Variants in MCM6 observed in about 807,000 individuals in gnomAD.
MCM6 encodes the protein minichromosome maintenance complex component 6, also known as DNA replication licensing factor MCM6.
MCM6 carries 46 observed loss-of-function variants against 94.3 expected under a neutral mutation model. That is an observed-to-expected ratio of 0.49 (90% CI 0.39 to 0.62). The LOEUF is 0.62. Among genes scored for constraint, MCM6 ranks in the 20% least tolerant of loss-of-function variants. The pLI, the probability that MCM6 is intolerant of heterozygous loss-of-function variation, is 0.00. For missense variants in MCM6, 865 were observed against 1,017.9 expected, an observed-to-expected ratio of 0.85 and a Z score of 2.04; for synonymous variants, 335 against 351.9, an observed-to-expected ratio of 0.95 and a Z score of 0.54.
At chr2:135,843,622 C>G (rs1227399219) in intron 16 of MCM6, among the ~76,000 whole-genome samples, 4 of 150,612 alleles carry the variant, frequency 2.7e-5, no homozygotes, top group African/African-American at 7.3e-5. Flanking sequence ...CGCCTGTAAT[C>G]CTACTTGGGA....
At position 135,858,004 on chromosome 2, in the gene MCM6, C is replaced by T; in HGVS notation, c.1363G>A (p.Gly455Ser). The change falls in exon 10 of 17, where the codon GGT becomes AGT. Residue 455 changes from glycine (G) to serine (S), a missense_variant and splice_region_variant. Physicochemically the swap from Gly to Ser is moderately conservative, Grantham distance 56. Transcript: ENST00000264156. ...TCAAATTCATCAATACAACACACACCCTGTAACCAAACAAATCAAGCCTAA... is the reference window on the plus strand; with the variant it reads ...TCAAATTCATCAATACAACACACACTCTGTAACCAAACAAATCAAGCCTAA... The part of the protein sequence containing the change: ...EAGALMLADN[G>S]VCCIDEFDKM... 2 of 1,612,712 alleles carry T rather than the reference C, an allele frequency of 1.2e-6. No individual in the cohort carries two copies. Among genetic ancestry groups the T allele is most frequent in the Non-Finnish European group, 1.7e-6 (2 of 1,179,508 alleles).
Position 135,846,219 on chromosome 2 carries a change from G to A in MCM6, c.2209+18C>T, listed in dbSNP as rs200891182. ...ACAGAAGTGACCGAGCATGTAAGCA[G>A]TACCAGGTAAGCCTCACCTTCTTCC... On this transcript the variant is annotated intron_variant, in intron 15 of 16. Transcript: ENST00000264156. 1.2e-6 allele frequency: 2 copies of A among 1,613,100 alleles called. No individual in the cohort carries two copies. The highest frequency in any genetic ancestry group is 1.7e-6 in the Non-Finnish European group (2 of 1,179,546).
chr2:135,856,972 C>G, intron 10 of MCM6, 89 bp from the exon 11 acceptor site: 1 of 1,241,060 alleles, frequency 8.1e-7, no homozygotes, highest in Non-Finnish European at 1.1e-6. Flanking sequence ...CCATAATTAA[C>G]TAAACACAAA....
At chr2:135,860,978 C>G (rs533876887) in intron 8 of MCM6, among the ~76,000 whole-genome samples, 1 of 152,224 alleles carries the variant, frequency 6.6e-6, no homozygotes, top group Non-Finnish European at 1.5e-5. Context: ...TCCACTAAGA[C>G]TGTCACATAC....
intron 13 of MCM6, among the ~76,000 whole-genome samples, chr2:135,850,750 G>A (rs555942757): frequency 7.9e-5 from 12 of 152,024 alleles, no homozygotes; most frequent in African/African-American, 2.7e-4. Context: ...TCTTGAGCTG[G>A]GTATTCACAA....
rs199970908 is a variant in MCM6 at position 135,840,785 on chromosome 2, C to A, written c.*50G>T. The A allele has an allele frequency of 7.8e-7, 1 of 1,284,962 alleles. No individual in the cohort carries two copies. Among genetic ancestry groups the A allele is most frequent in the Non-Finnish European group, 1.1e-6 (1 of 881,344 alleles). 79.6% of individuals were successfully genotyped at this position (1,284,962 alleles called of 1,614,324 possible). On this transcript the variant is annotated 3_prime_UTR_variant, in exon 17 of 17. Transcript: ENST00000264156. ...AGAGCTCCAGCCAGGCTCCAGGCCA[C>A]GAGGTGCTGTGCCACAGTTCCTCAG...
In MCM6 at chr2:135,847,567, ATC is replaced by A. The variant is rs1491353460; in HGVS notation, c.2053+484_2053+485del. ...TGCCTTTTCTTTTAGTCTTTCAAATATCTATGTATTTTTTGAGACAGAGTCTC... is the reference window on the plus strand; with the variant it reads ...TGCCTTTTCTTTTAGTCTTTCAAATATATGTATTTTTTGAGACAGAGTCTC... On this transcript the variant is annotated intron_variant, in intron 14 of 16. Transcript: ENST00000264156. 7.4e-3 allele frequency among the ~76,000 whole-genome samples: 1,126 copies of A among 152,140 alleles called. 13 individuals carry two copies. The highest frequency in any genetic ancestry group is 0.025 in the African/African-American group (1,058 of 41,532).
chr2:135,856,216 G>A (rs1302488444), intron 11 of MCM6, among the ~76,000 whole-genome samples: 1 of 152,192 alleles, frequency 6.6e-6, no homozygotes, highest in African/African-American at 2.4e-5. Flanking sequence ...TGAGGTGGGT[G>A]TGCATCACTG....
chr2:135,866,447 T>G (rs1242310237), intron 5 of MCM6, 116 bp downstream of exon 5: 5 of 1,411,166 alleles, frequency 3.5e-6, no homozygotes, highest in African/African-American at 2.9e-5. Context: ...TCATCACACT[T>G]CGTTCCTCAG....
At chr2:135,861,062 A>G (rs554210659) in intron 8 of MCM6, among the ~76,000 whole-genome samples, 5 of 152,214 alleles carry the variant, frequency 3.3e-5, no homozygotes, top group Non-Finnish European at 7.3e-5. Flanking sequence ...ATGACAAGAA[A>G]AAAAAAAGAA....
In MCM6 at chr2:135,856,875, C is replaced by G; in HGVS notation, c.1479G>C (p.Leu493=). ...SITKAGVKAT[L]NARTSILAAA... is the part of the protein sequence containing the mutation. ...CTGCCAAAATGGACGTCCGGGCGTT[C>G]AGAGTAGCCTGACCACAAAAGAAAG... The change falls in exon 11 of 17, where the codon CTG becomes CTC. Residue 493 remains leucine, a synonymous_variant. Coordinates refer to ENST00000264156, the MANE Select transcript of MCM6 (RefSeq NM_005915.6). The G allele has an allele frequency of 1.2e-6, 2 of 1,612,224 alleles. No homozygotes were observed. The highest frequency in any genetic ancestry group is 2.2e-5 in the East Asian group (1 of 44,870).
intron 10 of MCM6, among the ~76,000 whole-genome samples, chr2:135,857,684 G>T (rs983270338): frequency 6.6e-6 from 1 of 152,012 alleles, no homozygotes; most frequent in African/African-American, 2.4e-5. Flanking sequence ...TTTGTTCATG[G>T]ACATTTTCCT....
intron 2 of MCM6, among the ~76,000 whole-genome samples, chr2:135,872,417 C>A (rs4988158): frequency 0.041 from 6,307 of 152,122 alleles, 406 homozygotes; most frequent in African/African-American, 0.14. Context: ...CACTGCATTT[C>A]GGCCTAGGTG....
Position 135,848,062 on chromosome 2 carries a change from C to T in MCM6, c.2044G>A (p.Gly682Ser). The change falls in exon 14 of 17, where the codon GGC becomes AGC. Residue 682 changes from glycine to serine, a missense_variant. By Grantham distance (56) the Gly-to-Ser change is moderately conservative. This residue lies in a region of MCM6 where 308 missense variants were observed against 324.5 expected (regional missense o/e 0.95). Coordinates refer to ENST00000264156, the MANE Select transcript of MCM6 (RefSeq NM_005915.6). ...TGAACAAGTATCTCACCATTGATGC[C>T]ACCAGCACCCTCATCTACCTCCATC... ...IQMEVDEGAG[G>S]INGHADSPAP... 6.2e-7 allele frequency: 1 copy of T among 1,610,120 alleles called. No homozygotes were observed. Among genetic ancestry groups the T allele is most frequent in the South Asian group, 1.1e-5 (1 of 90,904 alleles).
Position 135,852,929 on chromosome 2 carries a change from A to C in MCM6, c.1627-14T>G. The C allele has an allele frequency of 6.3e-7, 1 of 1,582,174 alleles. No homozygotes were observed. ...ATAATCTGTAACCTAATTCAAAACA[A>C]AAAAATCACTTTGATAGTCACAGCA... On this transcript the variant is annotated splice_polypyrimidine_tract_variant and intron_variant, in intron 11 of 16. Coordinates refer to ENST00000264156, the MANE Select transcript of MCM6 (RefSeq NM_005915.6).
intron 2 of MCM6, 92 bp downstream of exon 2, chr2:135,872,605 C>A (rs1680222093): frequency 7.6e-7 from 1 of 1,322,536 alleles, no homozygotes; most frequent in African/African-American, 1.5e-5. Flanking sequence ...AGCTGACCTT[C>A]TGCTACACAA....
At chr2:135,867,375 C>G (rs978116279) in intron 4 of MCM6, among the ~76,000 whole-genome samples, 1 of 151,944 alleles carries the variant, frequency 6.6e-6, no homozygotes, top group African/African-American at 2.4e-5. Context: ...GTGTTCCCCC[C>G]CCCAAACTAA....
intron 13 of MCM6, 150 bp from the exon 14 acceptor site, chr2:135,848,338 C>G: frequency 1.8e-6 from 1 of 556,778 alleles, no homozygotes; most frequent in Non-Finnish European, 3.2e-6. Context: ...CAAACACCCT[C>G]TCTCATTCTC....
chr2:135,846,571 G>T, intron 14 of MCM6, among the ~76,000 whole-genome samples, 179 bp from the exon 15 acceptor site: 1 of 151,936 alleles, frequency 6.6e-6, no homozygotes, highest in African/African-American at 2.4e-5. Context: ...TCGAACTACC[G>T]GACTCAACTG....
Sources: gnomAD v4.1 joint callset for allele counts (sites outside exome capture counted in the v4.1 genomes callset) on GRCh38, gnomAD v4.1.1 for gene constraint, gnomAD v4.1.1 regional missense constraint, MANE v1.5 for transcripts, NCBI Gene and HGNC (gene_info 2026-07-23, HGNC 2026-07-21) for gene names.